Variants in RGS8 observed in about 807,000 individuals in gnomAD.
The protein encoded by RGS8 is regulator of G protein signaling 8.
A neutral mutation model predicts 21.7 loss-of-function variants in RGS8; 8 were observed. That is an observed-to-expected ratio of 0.37 (90% CI 0.22 to 0.66). The LOEUF is 0.66. Ranked by LOEUF, RGS8 falls within the 30% of genes least tolerant of loss-of-function variation. The pLI is 0.59. For synonymous variants in RGS8, 80 were observed against 83.6 expected, an observed-to-expected ratio of 0.96 and a Z score of 0.24; for missense variants, 157 against 217.9, an observed-to-expected ratio of 0.72 and a Z score of 1.76.
chr1:182,687,014 A>G (rs1286960972), upstream of RGS8, among the ~76,000 whole-genome samples: 1 of 152,158 alleles, frequency 6.6e-6, no homozygotes, highest in Non-Finnish European at 1.5e-5. Context: ...GTGAGAACTG[A>G]GATGAAAATG....
intron 1 of RGS8, among the ~76,000 whole-genome samples, chr1:182,680,622 G>GTTTATTCA (rs1664506323): frequency 6.6e-6 from 1 of 150,858 alleles, no homozygotes; most frequent in Non-Finnish European, 1.5e-5. Context: ...GAAAGCATGG[G>GTTTATTCA]TTCATTCATT....
chr1:182,648,373 A>C, intron 5 of RGS8, 70 bp from the exon 7 acceptor site: 3 of 1,513,806 alleles, frequency 2.0e-6, no homozygotes, highest in Non-Finnish European at 2.7e-6. Flanking sequence ...TAGAAGAAAG[A>C]AAGGAAGTAA....
intron 2 of RGS8, among the ~76,000 whole-genome samples, chr1:182,671,145 T>A (rs1407341561): frequency 6.6e-6 from 1 of 152,226 alleles, no homozygotes; most frequent in East Asian, 1.9e-4. Flanking sequence ...GGCTTGCCCA[T>A]GCTGTTCAGT....
At chr1:182,670,421 G>C (rs1222160162) in intron 2 of RGS8, among the ~76,000 whole-genome samples, 1 of 152,218 alleles carries the variant, frequency 6.6e-6, no homozygotes, top group Non-Finnish European at 1.5e-5. Flanking sequence ...ACATGAGTGT[G>C]GGAAGACAGG....
At chr1:182,648,558 A>G (rs1662818191) in intron 5 of RGS8, among the ~76,000 whole-genome samples, 1 of 151,282 alleles carries the variant, frequency 6.6e-6, no homozygotes, top group Non-Finnish European at 1.5e-5. Context: ...AAATTGTAAA[A>G]TCCCATCTCT....
chr1:182,658,686 A>C (rs1663403602), intron 5 of RGS8: 1 of 152,242 alleles, frequency 6.6e-6, no homozygotes, highest in Non-Finnish European at 1.5e-5. Flanking sequence ...AATTGTTTTT[A>C]AACAAATAAC....
At chr1:182,692,440 G>T in the RGS8 span, among the ~76,000 whole-genome samples, 8 of 151,712 alleles carry the variant, frequency 5.3e-5, no homozygotes, top group Admixed American at 1.3e-4. Context: ...CTCTACAATA[G>T]GAATTACAAA....
the RGS8 span, among the ~76,000 whole-genome samples, chr1:182,739,573 T>C: frequency 2.6e-5 from 4 of 152,120 alleles, no homozygotes; most frequent in Non-Finnish European, 4.4e-5. Context: ...TAAAGTATTG[T>C]ATATTGGCTT....
intron 5 of RGS8, among the ~76,000 whole-genome samples, chr1:182,655,979 A>G (rs1253153214): frequency 6.6e-6 from 1 of 152,204 alleles, no homozygotes; most frequent in Admixed American, 6.5e-5. Flanking sequence ...TCCAAGCCCA[A>G]GCGTTCTCAT....
the RGS8 span, among the ~76,000 whole-genome samples, chr1:182,691,890 A>G: frequency 6.6e-6 from 1 of 152,188 alleles, no homozygotes; most frequent in African/African-American, 2.4e-5. Context: ...CACAGACAAT[A>G]TAATACTATA....
At chr1:182,746,881 C>G in the RGS8 span, among the ~76,000 whole-genome samples, 1 of 151,986 alleles carries the variant, frequency 6.6e-6, no homozygotes, top group African/African-American at 2.4e-5. Flanking sequence ...ATCAGATGCT[C>G]TGACCTGCAT....
chr1:182,706,014 A>G, the RGS8 span, among the ~76,000 whole-genome samples: 186 of 152,084 alleles, frequency 1.2e-3, no homozygotes, highest in African/African-American at 3.4e-3. Flanking sequence ...ACAGGGTCTC[A>G]TTTTGTCACT....
downstream of RGS8, chr1:182,644,171 T>C (rs564144991): frequency 2.0e-5 from 3 of 152,368 alleles, no homozygotes; most frequent in African/African-American, 7.2e-5. Context: ...CTTTGTTTCA[T>C]CACAGACCAA....
chr1:182,713,111 C>G, the RGS8 span, among the ~76,000 whole-genome samples: 6 of 152,210 alleles, frequency 3.9e-5, no homozygotes, highest in Non-Finnish European at 7.3e-5. Flanking sequence ...GGGTGGCTCA[C>G]TCGAAGATAC....
upstream of RGS8, among the ~76,000 whole-genome samples, chr1:182,685,924 G>T (rs1477234915): frequency 1.3e-5 from 2 of 152,172 alleles, no homozygotes; most frequent in Non-Finnish European, 1.5e-5. Flanking sequence ...TTAAATAGCT[G>T]ACTCCAATGC....
At chr1:182,730,188 C>G in the RGS8 span, among the ~76,000 whole-genome samples, 4 of 152,220 alleles carry the variant, frequency 2.6e-5, no homozygotes, top group African/African-American at 9.6e-5. Context: ...CTGACTCCAC[C>G]AAGGAGCCCT....
At chr1:182,703,645 G>T in the RGS8 span, among the ~76,000 whole-genome samples, 1 of 152,116 alleles carries the variant, frequency 6.6e-6, no homozygotes, top group Non-Finnish European at 1.5e-5. Flanking sequence ...TAAAAATTGG[G>T]CCAGCACAGG....
intron 4 of RGS8, 67 bp downstream of exon 5, chr1:182,666,805 C>CA: frequency 8.4e-7 from 1 of 1,191,504 alleles, no homozygotes; most frequent in Non-Finnish European, 1.3e-6. Context: ...GTCAGCATCT[C>CA]ACTAAAGAAG....
At chr1:182,703,307 T>C in the RGS8 span, among the ~76,000 whole-genome samples, 1 of 152,264 alleles carries the variant, frequency 6.6e-6, no homozygotes, top group Non-Finnish European at 1.5e-5. Context: ...GCTGGGAAAA[T>C]TGTGTTATCT....
Sources: gnomAD v4.1 joint callset for allele counts (sites outside exome capture counted in the v4.1 genomes callset) on GRCh38, gnomAD v4.1.1 for gene constraint, MANE v1.5 for transcripts, NCBI Gene and HGNC (gene_info 2026-07-23, HGNC 2026-07-21) for gene names.